ARHGEF10: variants seen among roughly 807,000 people sequenced by gnomAD.
The protein encoded by ARHGEF10 is Rho guanine nucleotide exchange factor 10.
ARHGEF10 carries 140 observed loss-of-function variants against 147.4 expected under a neutral mutation model. The observed-to-expected ratio is 0.95, with a 90% CI of 0.83 to 1.09. ARHGEF10 has a LOEUF of 1.09. Among genes scored for constraint, ARHGEF10 ranks in the 50% least tolerant of loss-of-function variants. The pLI, the probability that ARHGEF10 is intolerant of heterozygous loss-of-function variation, is 0.00. For synonymous variants in ARHGEF10, 902 were observed against 695.8 expected (o/e 1.30, Z -4.67); for missense variants, 2,222 against 1,752.7 (o/e 1.27, Z -4.78).
rs1350249518 is a variant in ARHGEF10, at chr8:1,859,963, T to C, written c.260T>C (p.Met87Thr). Reference protein sequence around the residue: ...VAEPTKLVLPMKVNPYSVIDI... With the variant: ...VAEPTKLVLPTKVNPYSVIDI... The stretch of plus-strand genomic sequence containing the variant: ...GAGCCTACTAAGCTGGTGCTCCCGA[T>C]GAAAGTCAACCCATATTCTGTCATC... Residue 87 changes from methionine (M) to threonine (T), a missense_variant, in exon 4 of 29, where the codon ATG (methionine) becomes ACG (threonine). Physicochemically the swap from Met to Thr is moderately conservative, Grantham distance 81. Coordinates refer to ENST00000349830, the MANE Select transcript of ARHGEF10 (RefSeq NM_014629.4). The C allele has an allele frequency of 1.9e-6, 3 of 1,614,048 alleles. No homozygotes were observed. Among genetic ancestry groups the C allele is most frequent in the Non-Finnish European group, 2.5e-6 (3 of 1,180,028 alleles).
chr8:1,909,506 G>T (rs1563270957), intron 18 of ARHGEF10, 36 bp downstream of exon 18: 3 of 1,611,640 alleles, frequency 1.9e-6, no homozygotes, highest in South Asian at 2.2e-5. Context: ...GTGCCGTGGG[G>T]CCAGGGTAAC....
chr8:1,897,005 G>T (rs1028700495), intron 14 of ARHGEF10, among the ~76,000 whole-genome samples: 15 of 152,000 alleles, frequency 9.9e-5, no homozygotes, highest in African/African-American at 2.9e-4. Context: ...GGCTTCCCCA[G>T]TCGTGGGATG....
At chr8:1,831,495 G>T (rs113395503) in intron 1 of ARHGEF10, among the ~76,000 whole-genome samples, 3,483 of 58,888 alleles carry the variant, frequency 0.059, 70 homozygotes, top group Middle Eastern at 0.098. Flanking sequence ...GAGGGACAGT[G>T]TGACGGCCGT....
chr8:1,872,119 G>A (rs1251602745), intron 7 of ARHGEF10, among the ~76,000 whole-genome samples: 1 of 152,122 alleles, frequency 6.6e-6, no homozygotes, highest in African/African-American at 2.4e-5. Context: ...GGATGTAACT[G>A]CAGTAGAAAT....
intron 2 of ARHGEF10, among the ~76,000 whole-genome samples, chr8:1,851,520 G>T (rs1009591719): frequency 6.6e-6 from 1 of 151,280 alleles, no homozygotes; most frequent in Non-Finnish European, 1.5e-5. Context: ...GTTGGGGGAG[G>T]CTCTCTTTGG....
At chr8:1,863,804 C>T (rs1563196769) in intron 4 of ARHGEF10, among the ~76,000 whole-genome samples, 1 of 152,092 alleles carries the variant, frequency 6.6e-6, no homozygotes, top group East Asian at 1.9e-4. Context: ...GAGCCACAGA[C>T]AGGCAGGGAG....
chr8:1,944,873 G>C (rs780996142), intron 26 of ARHGEF10, among the ~76,000 whole-genome samples: 1 of 152,248 alleles, frequency 6.6e-6, no homozygotes, highest in Non-Finnish European at 1.5e-5. Flanking sequence ...CGCTGTGTTA[G>C]CAGCTCCTGC....
intron 26 of ARHGEF10, among the ~76,000 whole-genome samples, chr8:1,939,482 C>G (rs1460639906): frequency 1.3e-5 from 2 of 152,226 alleles, no homozygotes; most frequent in Non-Finnish European, 2.9e-5. Flanking sequence ...CTCCAGGCCT[C>G]AGGCTGGCAC....
intron 25 of ARHGEF10, among the ~76,000 whole-genome samples, chr8:1,932,291 G>A (rs10089451): frequency 0.039 from 5,993 of 152,324 alleles, 270 homozygotes; most frequent in Admixed American, 0.14. Flanking sequence ...GTGTGAGCAG[G>A]TGTGTATGCA....
At chr8:1,934,509 TG>T (rs1429588999) in intron 26 of ARHGEF10, among the ~76,000 whole-genome samples, 1 of 152,218 alleles carries the variant, frequency 6.6e-6, no homozygotes, top group Non-Finnish European at 1.5e-5. Context: ...CTTTAAGAAA[TG>T]TGTTCAGTAT....
At chr8:1,857,682 T>C (rs1166328439) in intron 2 of ARHGEF10, among the ~76,000 whole-genome samples, 2 of 151,504 alleles carry the variant, frequency 1.3e-5, no homozygotes, top group African/African-American at 4.9e-5. Context: ...CCTCCCAAAG[T>C]GCTGGGATTA....
At chr8:1,845,539 C>T (rs577985350) in intron 2 of ARHGEF10, among the ~76,000 whole-genome samples, 5 of 152,184 alleles carry the variant, frequency 3.3e-5, no homozygotes, top group East Asian at 1.9e-4. Flanking sequence ...TGCAGGTAAG[C>T]GTGGAGGACG....
chr8:1,849,011 G>A (rs955984997), intron 2 of ARHGEF10, among the ~76,000 whole-genome samples: 1 of 152,070 alleles, frequency 6.6e-6, no homozygotes, highest in African/African-American at 2.4e-5. Context: ...AAGCTCCGTG[G>A]CTTTTACTGT....
At chr8:1,837,333 C>T (rs1160888773) in intron 1 of ARHGEF10, among the ~76,000 whole-genome samples, 2 of 152,188 alleles carry the variant, frequency 1.3e-5, no homozygotes, top group African/African-American at 4.8e-5. Context: ...ACGCCATGGT[C>T]GGTGCTGGGT....
At chr8:1,839,323 G>GGGGACTGTCTGGTGTA (rs1176839411) in intron 1 of ARHGEF10, among the ~76,000 whole-genome samples, 1 of 147,568 alleles carries the variant, frequency 6.8e-6, no homozygotes, top group African/African-American at 2.5e-5. Context: ...TGTCTGGTGT[G>GGGGACTGTCTGGTGTA]GGGACTGTCT....
At position 1,832,685 on chromosome 8, in the gene ARHGEF10, GAGAC is replaced by G. The variant is rs1803236123; in HGVS notation, c.-48+8576_-48+8579del. On this transcript the variant is annotated intron_variant, in intron 1 of 28. Transcript: ENST00000349830. ...AGAGGCAGAGACAGAGGCAGAGACAGAGACAGAGAGACAGGCAGAGGCAGAGACA... is the reference window on the plus strand; with the variant it reads ...AGAGGCAGAGACAGAGGCAGAGACAGAGAGAGACAGGCAGAGGCAGAGACA... 7.5e-5 allele frequency among the ~76,000 whole-genome samples: 6 copies of G among 79,604 alleles called. 1 individual carries two copies. Among genetic ancestry groups the G allele is most frequent in the East Asian group, 3.0e-4 (1 of 3,354 alleles). 52.2% of individuals were successfully genotyped at this position (79,604 alleles called of 152,430 possible).
intron 1 of ARHGEF10, among the ~76,000 whole-genome samples, chr8:1,842,294 T>C (rs1187551236): frequency 6.6e-6 from 1 of 152,074 alleles, no homozygotes; most frequent in Non-Finnish European, 1.5e-5. Flanking sequence ...CATTGGAAAG[T>C]AGTGTCTGTC....
intron 3 of ARHGEF10, 38 bp downstream of exon 3, chr8:1,858,153 TG>T (rs147897258): frequency 2.6e-5 from 38 of 1,485,554 alleles, no homozygotes; most frequent in South Asian, 4.7e-5. Context: ...AGTCCCCAGG[TG>T]GGTCCCCAGG....
intron 2 of ARHGEF10, among the ~76,000 whole-genome samples, chr8:1,850,145 G>GGC (rs1804970346): frequency 2.3e-5 from 1 of 44,118 alleles, no homozygotes; most frequent in Non-Finnish European, 4.5e-5. Flanking sequence ...TGAGGAGGGT[G>GGC]TGGGGCGGCC....
Sources: allele counts gnomAD v4.1 joint callset (sites outside exome capture counted in the v4.1 genomes callset), GRCh38; gene constraint gnomAD v4.1.1; transcripts MANE v1.5; gene names NCBI Gene and HGNC (gene_info 2026-07-23, HGNC 2026-07-21).